The following ATG10 variants were observed in gnomAD, a reference collection of about 807,000 sequenced individuals.
The protein encoded by ATG10 is autophagy related 10, also known as ubiquitin-like-conjugating enzyme ATG10.
In ATG10, 30 loss-of-function variants were observed where a neutral mutation model predicts 32.1. The ratio of observed to expected loss-of-function variants is 0.94; its 90% CI spans 0.70 to 1.27. ATG10 has a LOEUF of 1.27. Among genes scored for constraint, ATG10 ranks in the 50% most tolerant of loss-of-function variants. The pLI is 0.00. For synonymous variants in ATG10, 87 were observed against 91.5 expected (o/e 0.95, Z 0.28); for missense variants, 233 against 262.3 (o/e 0.89, Z 0.77).
At chr5:82,219,182 G>C (rs994241544) in intron 5 of ATG10, among the ~76,000 whole-genome samples, 2 of 152,094 alleles carry the variant, frequency 1.3e-5, no homozygotes, top group African/African-American at 4.8e-5. Context: ...GTTTAAATGG[G>C]GTTTCATAGT....
At chr5:82,035,799 A>G (rs867693441) in intron 2 of ATG10, among the ~76,000 whole-genome samples, 146 of 148,656 alleles carry the variant, frequency 9.8e-4, no homozygotes, top group Admixed American at 1.5e-3. Context: ...TATATAAAAG[A>G]GTAAAATATA....
At chr5:82,166,622 T>C (rs1743594647) in intron 4 of ATG10, among the ~76,000 whole-genome samples, 1 of 152,098 alleles carries the variant, frequency 6.6e-6, no homozygotes, top group Non-Finnish European at 1.5e-5. Context: ...CCCCCCCCAG[T>C]CTTTTTTATT....
rs1189095698 is a variant in ATG10, at chr5:82,220,635, C to CT, written c.454-31915dup. 1.8e-3 allele frequency among the ~76,000 whole-genome samples: 263 copies of CT among 143,142 alleles called. 2 individuals carry two copies. Among genetic ancestry groups the CT allele is most frequent in the African/African-American group, 5.1e-3 (199 of 39,142 alleles). 93.9% of individuals were successfully genotyped at this position (143,142 alleles called of 152,430 possible). ...ATGTACTCCATCTCTCTCTCTCTCT[C>CT]TTTTTTTTTTTTAAGATGGAGTCTT... is the stretch of plus-strand genomic sequence containing the variant. On this transcript the variant is annotated intron_variant, in intron 5 of 7. Coordinates refer to ENST00000282185, the MANE Select transcript of ATG10 (RefSeq NM_031482.5).
intron 2 of ATG10, among the ~76,000 whole-genome samples, chr5:82,006,081 A>G (rs1426917296): frequency 1.3e-5 from 2 of 152,182 alleles, no homozygotes; most frequent in Non-Finnish European, 2.9e-5. Context: ...CTGAGTATAA[A>G]TTTAAACTGA....
intron 2 of ATG10, among the ~76,000 whole-genome samples, chr5:81,993,364 T>TTTC (rs374179266): frequency 0.36 from 12,187 of 33,822 alleles, 2,517 homozygotes; most frequent in Admixed American, 0.54. Flanking sequence ...TCTTTCCTTC[T>TTTC]TTTCTTTTCT....
At chr5:82,180,422 G>C (rs1341813638) in intron 5 of ATG10, among the ~76,000 whole-genome samples, 1 of 152,106 alleles carries the variant, frequency 6.6e-6, no homozygotes, top group Non-Finnish European at 1.5e-5. Flanking sequence ...CAAATCTGTA[G>C]ACCAGGCATT....
intron 4 of ATG10, among the ~76,000 whole-genome samples, chr5:82,166,003 A>C (rs1395221241): frequency 6.6e-6 from 1 of 152,196 alleles, no homozygotes; most frequent in Non-Finnish European, 1.5e-5. Context: ...GCTTGTCAGC[A>C]TTAGGGAATC....
chr5:82,150,063 C>T (rs1020605785), intron 3 of ATG10, among the ~76,000 whole-genome samples: 11 of 151,626 alleles, frequency 7.3e-5, no homozygotes, highest in African/African-American at 2.4e-4. Flanking sequence ...TGTTGTAGCT[C>T]CTTATCTTTT....
At position 82,013,086 on chromosome 5, in the gene ATG10, C is replaced by T. The variant is rs1439141712; in HGVS notation, c.108+25408C>T. On this transcript the variant is annotated intron_variant, in intron 2 of 7. Transcript: ENST00000282185. ...CAGTGATTCTCCTGCCTCAGCCTCC[C>T]GAGTAGTTGGGACTACAGGCACACA... 2.6e-5 allele frequency among the ~76,000 whole-genome samples: 4 copies of T among 151,998 alleles called. No homozygotes were observed. The South Asian group carries it at 6.2e-4, about 24-fold the overall frequency.
At chr5:82,093,298 T>C (rs924260859) in intron 3 of ATG10, among the ~76,000 whole-genome samples, 10 of 152,222 alleles carry the variant, frequency 6.6e-5, no homozygotes, top group African/African-American at 2.4e-4. Flanking sequence ...ATTTCTTTAG[T>C]ATTTTTTCTC....
intron 3 of ATG10, among the ~76,000 whole-genome samples, chr5:82,137,053 G>C (rs1246285881): frequency 2.0e-5 from 3 of 151,916 alleles, no homozygotes; most frequent in African/African-American, 7.3e-5. Context: ...GTGTTTTTCA[G>C]CTCCATCAGG....
At chr5:82,048,355 G>GA (rs1185753496) in intron 2 of ATG10, among the ~76,000 whole-genome samples, 1 of 148,218 alleles carries the variant, frequency 6.7e-6, no homozygotes, top group Non-Finnish European at 1.5e-5. Flanking sequence ...CATGAGCATG[G>GA]AATGTTCTTC....
chr5:82,050,061 A>G (rs1273043148), intron 2 of ATG10, among the ~76,000 whole-genome samples: 1 of 152,148 alleles, frequency 6.6e-6, no homozygotes, highest in African/African-American at 2.4e-5. Flanking sequence ...CTATGCACAT[A>G]TAAATATATT....
chr5:81,997,195 A>G (rs983845002), intron 2 of ATG10, among the ~76,000 whole-genome samples: 34 of 152,206 alleles, frequency 2.2e-4, no homozygotes, highest in African/African-American at 8.0e-4. Context: ...ATGAACACAG[A>G]TCCCACTGCC....
At chr5:82,023,675 A>G (rs758164039) in intron 2 of ATG10, among the ~76,000 whole-genome samples, 11 of 152,228 alleles carry the variant, frequency 7.2e-5, no homozygotes, top group Non-Finnish European at 1.6e-4. Context: ...GTTTTTCTTC[A>G]AAGTAAAACT....
At chr5:82,118,131 A>AGAAAAATATTG (rs1326288466) in intron 3 of ATG10, among the ~76,000 whole-genome samples, 1 of 151,830 alleles carries the variant, frequency 6.6e-6, no homozygotes, top group Non-Finnish European at 1.5e-5. Context: ...GGTAAAGGAA[A>AGAAAAATATTG]GAAAAATATT....
intron 3 of ATG10, among the ~76,000 whole-genome samples, chr5:82,083,983 G>C (rs562600178): frequency 6.6e-6 from 1 of 152,332 alleles, no homozygotes; most frequent in South Asian, 2.1e-4. Context: ...GAATGACTAT[G>C]ACGCGTTGAG....
intron 5 of ATG10, among the ~76,000 whole-genome samples, chr5:82,218,211 A>G (rs1745774385): frequency 6.6e-6 from 1 of 152,160 alleles, no homozygotes; most frequent in Admixed American, 6.5e-5. Flanking sequence ...ACTAGTGATA[A>G]CAACAAGTTC....
intron 2 of ATG10, among the ~76,000 whole-genome samples, chr5:82,049,292 G>A (rs372694078): frequency 6.6e-6 from 1 of 150,982 alleles, no homozygotes; most frequent in East Asian, 2.0e-4. Flanking sequence ...GTAAACCATC[G>A]CAAGAACAAA....
Sources: allele counts gnomAD v4.1 joint callset (sites outside exome capture counted in the v4.1 genomes callset), GRCh38; gene constraint gnomAD v4.1.1; transcripts MANE v1.5; gene names NCBI Gene and HGNC (gene_info 2026-07-23, HGNC 2026-07-21).